The following KIAA0825 variants were observed in gnomAD, a reference collection of about 807,000 sequenced individuals.
KIAA0825 encodes uncharacterized protein KIAA0825.
KIAA0825 carries 119 observed loss-of-function variants against 147.6 expected under a neutral mutation model. The observed-to-expected ratio is 0.81, with a 90% CI of 0.69 to 0.94. KIAA0825 has a LOEUF of 0.94. Among genes scored for constraint, KIAA0825 ranks in the 40% least tolerant of loss-of-function variants. KIAA0825 has a pLI of 0.00. For missense variants in KIAA0825, 1,381 were observed against 1,472.7 expected (o/e 0.94, Z 1.02); for synonymous variants, 470 against 518.1 (o/e 0.91, Z 1.26).
At chr5:94,164,742 A>T (rs1767883867) in intron 20 of KIAA0825, among the ~76,000 whole-genome samples, 1 of 152,118 alleles carries the variant, frequency 6.6e-6, no homozygotes, top group South Asian at 2.1e-4. Flanking sequence ...AAAGGTTCTA[A>T]GAACATGCAC....
At chr5:94,592,573 A>C (rs946991130) in intron 1 of KIAA0825, among the ~76,000 whole-genome samples, 1 of 152,152 alleles carries the variant, frequency 6.6e-6, no homozygotes. Flanking sequence ...CTGATCTCTC[A>C]TAACCCCAGG....
At chr5:94,569,931 A>C (rs1333442002) in intron 2 of KIAA0825, 1 of 154,940 alleles carries the variant, frequency 6.5e-6, no homozygotes, top group African/African-American at 2.4e-5. Context: ...TTCATAGGCT[A>C]TGTCCTCCCA....
At chr5:94,366,136 C>T (rs1243676508) in intron 20 of KIAA0825, among the ~76,000 whole-genome samples, 1 of 152,208 alleles carries the variant, frequency 6.6e-6, no homozygotes, top group Non-Finnish European at 1.5e-5. Flanking sequence ...ACTCCAGCCA[C>T]CAAATTCTTG....
chr5:94,432,128 G>A (rs576154286), intron 14 of KIAA0825, among the ~76,000 whole-genome samples: 34 of 152,166 alleles, frequency 2.2e-4, no homozygotes, highest in Admixed American at 1.1e-3. Context: ...AATATGTTAC[G>A]AGGACAAGCC....
chr5:94,516,219 A>G (rs1347167690), intron 5 of KIAA0825, among the ~76,000 whole-genome samples: 1 of 152,222 alleles, frequency 6.6e-6, no homozygotes. Context: ...TATTTTAAAT[A>G]TATGTACTGG....
chr5:94,315,825 A>G (rs928631181), intron 20 of KIAA0825, among the ~76,000 whole-genome samples: 3 of 151,764 alleles, frequency 2.0e-5, no homozygotes, highest in Non-Finnish European at 4.4e-5. Flanking sequence ...ACTAGAAACA[A>G]ACCAAATTTT....
chr5:94,345,700 G>A (rs1782901662), intron 20 of KIAA0825, among the ~76,000 whole-genome samples: 1 of 152,000 alleles, frequency 6.6e-6, no homozygotes, highest in Admixed American at 6.6e-5. Flanking sequence ...AATTTCTTCA[G>A]ATTTTTTTAA....
intron 20 of KIAA0825, among the ~76,000 whole-genome samples, chr5:94,190,356 C>T (rs1287650281): frequency 6.6e-6 from 1 of 152,120 alleles, no homozygotes; most frequent in Admixed American, 6.5e-5. Flanking sequence ...GACGGAGTCT[C>T]GCTCTGTCGC....
At chr5:94,259,503 G>GACTT (rs1000230379) in intron 20 of KIAA0825, among the ~76,000 whole-genome samples, 34 of 151,974 alleles carry the variant, frequency 2.2e-4, no homozygotes, top group African/African-American at 8.2e-4. Context: ...GTTTCAGGGA[G>GACTT]ACTTAACATG....
intron 20 of KIAA0825, among the ~76,000 whole-genome samples, chr5:94,349,953 C>T (rs531407035): frequency 2.0e-5 from 3 of 151,986 alleles, no homozygotes; most frequent in Non-Finnish European, 4.4e-5. Flanking sequence ...CTAAATGAAA[C>T]TGGAACAAAG....
intron 20 of KIAA0825, among the ~76,000 whole-genome samples, chr5:94,176,150 A>G (rs1190318180): frequency 6.6e-6 from 1 of 152,066 alleles, no homozygotes; most frequent in African/African-American, 2.4e-5. Context: ...CCCTCAAGAA[A>G]TAGATTAATG....
At chr5:94,439,703 C>A (rs141111982) in intron 14 of KIAA0825, among the ~76,000 whole-genome samples, 1 of 152,122 alleles carries the variant, frequency 6.6e-6, no homozygotes, top group Non-Finnish European at 1.5e-5. Flanking sequence ...TTAGGCATTT[C>A]AAACCCTGCG....
At chr5:94,223,244 T>C (rs1773826808) in intron 20 of KIAA0825, among the ~76,000 whole-genome samples, 2 of 152,202 alleles carry the variant, frequency 1.3e-5, no homozygotes, top group Non-Finnish European at 1.5e-5. Context: ...ATGGTACTAC[T>C]AATAAAGAAA....
chr5:94,406,575 C>T (rs1198564219), intron 15 of KIAA0825, among the ~76,000 whole-genome samples: 2 of 152,152 alleles, frequency 1.3e-5, no homozygotes, highest in African/African-American at 4.8e-5. Flanking sequence ...TTAAAGCTAT[C>T]AGAACACTGG....
chr5:94,484,058 A>G (rs779350724), intron 6 of KIAA0825, among the ~76,000 whole-genome samples: 10 of 151,654 alleles, frequency 6.6e-5, no homozygotes, highest in Non-Finnish European at 1.3e-4. Context: ...CAGAGAACAT[A>G]CCTCAACCAT....
chr5:94,380,645 G>C (rs1055271703), intron 20 of KIAA0825, among the ~76,000 whole-genome samples: 1 of 152,204 alleles, frequency 6.6e-6, no homozygotes, highest in African/African-American at 2.4e-5. Flanking sequence ...CCTTTAGATG[G>C]GTGAAATAGA....
At chr5:94,325,570 C>T (rs1009989302) in intron 20 of KIAA0825, among the ~76,000 whole-genome samples, 10 of 151,910 alleles carry the variant, frequency 6.6e-5, no homozygotes, top group African/African-American at 2.2e-4. Context: ...ACATACATTC[C>T]TTAAGCAATA....
intron 20 of KIAA0825, among the ~76,000 whole-genome samples, chr5:94,239,923 G>A (rs1562329529): frequency 6.6e-6 from 1 of 152,130 alleles, no homozygotes; most frequent in Non-Finnish European, 1.5e-5. Context: ...ACATTTAATA[G>A]ATGTAAAAGC....
chr5:94,593,016 C>G (rs1276785024), intron 1 of KIAA0825: 1 of 638,700 alleles, frequency 1.6e-6, no homozygotes, highest in Non-Finnish European at 3.0e-6. Context: ...AGCAGAAGAT[C>G]AGTCTATTAA....
Sources: gnomAD v4.1 joint callset for allele counts (sites outside exome capture counted in the v4.1 genomes callset) on GRCh38, gnomAD v4.1.1 for gene constraint, MANE v1.5 for transcripts, NCBI Gene and HGNC (gene_info 2026-07-23, HGNC 2026-07-21) for gene names.